NOS3: variants seen among roughly 807,000 people sequenced by gnomAD.
NOS3 encodes the protein nitric oxide synthase 3.
NOS3 carries 98 observed loss-of-function variants against 144.9 expected under a neutral mutation model. That is an observed-to-expected ratio of 0.68 (90% confidence interval 0.57 to 0.80). The LOEUF (loss-of-function observed/expected upper bound fraction) is 0.80. NOS3 is among the 30% of genes least tolerant of loss of function. The probability of loss-of-function intolerance (pLI) is 0.00; values close to 1 mark genes in which losing one functional copy is unlikely to be tolerated. For synonymous variants in NOS3, 714 were observed against 702.4 expected, an observed-to-expected ratio of 1.02 and a Z score of -0.26; for missense variants, 1,465 against 1,656.4, an observed-to-expected ratio of 0.88 and a Z score of 2.01.
intron 15 of NOS3, 97 bp from the exon 16 acceptor site, chr7:151,006,792 G>C: frequency 1.0e-6 from 1 of 989,918 alleles, no homozygotes; most frequent in Admixed American, 1.8e-5. Context: ...TCCTGTCCCA[G>C]AGGCAGAGAC....
chr7:150,997,754 C>A (rs1385494619), intron 5 of NOS3, among the ~76,000 whole-genome samples: 1 of 152,210 alleles, frequency 6.6e-6, no homozygotes, highest in Admixed American at 6.5e-5. Context: ...ATCTGAGCTG[C>A]CATAGTGGAC....
intron 17 of NOS3, among the ~76,000 whole-genome samples, chr7:151,008,447 C>A (rs558182681): frequency 1.3e-5 from 2 of 152,202 alleles, no homozygotes; most frequent in Non-Finnish European, 2.9e-5. Flanking sequence ...CTCTGCCGCC[C>A]GAATTGTGCG....
rs1802479179 is a variant in NOS3, at chr7:150,998,290, G to A, written c.583-67G>A. The A allele has an allele frequency of 6.9e-7, 1 of 1,441,250 alleles. No homozygotes were observed. The highest frequency in any genetic ancestry group is 1.4e-5 in the African/African-American group (1 of 71,828). The allele number at this position is 1,441,250 out of a possible 1,614,324, so 89.3% of individuals were successfully genotyped here. A position where few individuals can be genotyped will look rare whatever the true frequency, so the allele number is the denominator to read the frequency against. ...CTGCCTCCTCACCAGCAGCTCCTCT[G>A]GAGCTGATACTCAAGACCCCCCGTC... On this transcript the variant is annotated intron_variant, in intron 5 of 26. Coordinates refer to ENST00000297494, the MANE Select transcript of NOS3 (RefSeq NM_000603.5). This position sits in a 1 kb window ranked among gnomAD's most constrained non-coding sequence, Gnocchi z 5.0.
rs1223238088 is a variant in NOS3 at position 150,991,085 on chromosome 7, A to T, written c.-267A>T. 1 of 152,290 alleles carries T rather than the reference A, an allele frequency of 6.6e-6. No homozygotes were observed. Among genetic ancestry groups the T allele is most frequent in the African/African-American group, 2.4e-5 (1 of 41,460 alleles). The allele number at this position is 152,290 out of a possible 1,614,324, so 9.4% of individuals were successfully genotyped here. Reference sequence around the variant, plus strand: ...AAACTAGGGGCAAGGAGACGAAGAGAACATGAAAGTTAAACTTTAAGATGA... The same window carrying T: ...AAACTAGGGGCAAGGAGACGAAGAGTACATGAAAGTTAAACTTTAAGATGA... On this transcript the variant is annotated 5_prime_UTR_variant, in exon 1 of 27. Transcript: ENST00000297494.
Position 151,009,396 on chromosome 7 carries a change from A to G in NOS3, c.2325-2A>G. On this transcript the variant is annotated splice_acceptor_variant, in intron 19 of 26. Transcript: ENST00000297494. LOFTEE classifies it high-confidence loss of function. ...CATAAGTGCCCCTCTCCCCACCCCC[A>G]GGAGGGCCACCATCCTGGTGCGCCT... 1 of 1,107,804 alleles carries G rather than the reference A, an allele frequency of 9.0e-7. No individual in the cohort carries two copies. The highest frequency in any genetic ancestry group is 1.1e-6 in the Non-Finnish European group (1 of 891,372). 68.6% of individuals were successfully genotyped at this position (1,107,804 alleles called of 1,614,324 possible).
chr7:151,004,305 C>T (rs755042750), intron 14 of NOS3, among the ~76,000 whole-genome samples: 1 of 152,236 alleles, frequency 6.6e-6, no homozygotes, highest in African/African-American at 2.4e-5. Context: ...CACTGCACTC[C>T]AGCCTGGGTG....
Position 151,001,430 on chromosome 7 carries a change from CCA to C in NOS3, c.1428+7_1428+8del. 1 of 1,586,466 alleles carries C rather than the reference CCA, an allele frequency of 6.3e-7. No homozygotes were observed. The highest frequency in any genetic ancestry group is 8.6e-7 in the Non-Finnish European group (1 of 1,164,126). On this transcript the variant is annotated splice_donor_region_variant and intron_variant, in intron 11 of 26. Transcript: ENST00000297494. ...TCCCCGGCCTTCCGCTACCAGGTGC[CCA>C]CCCTAACTGGCTCTGCCAGCCTGGG...
rs752004008 is a variant in NOS3, at chr7:151,012,207, A to ACTC, written c.2985-144_2985-143insCTC. The ACTC allele has an allele frequency of 1.2e-3, 790 of 639,598 alleles. 15 individuals carry two copies. The highest frequency in any genetic ancestry group is 1.6e-3 in the Non-Finnish European group (642 of 389,654). The allele number at this position is 639,598 out of a possible 1,614,324, so 39.6% of individuals were successfully genotyped here. A position where few individuals can be genotyped will look rare whatever the true frequency, so the allele number is the denominator to read the frequency against. On this transcript the variant is annotated intron_variant, in intron 23 of 26. Transcript: ENST00000297494. ...AGATCCAAGGAGTTTCAGCAAGTAG[A>ACTC]GTTGTTTTTTGTTTTTTGTTTTTTT...
At position 151,007,125 on chromosome 7, in the gene NOS3, C is replaced by G. The variant is rs758278933; in HGVS notation, c.1961C>G (p.Ser654Cys). 6.2e-7 allele frequency: 1 copy of G among 1,614,044 alleles called. No individual in the cohort carries two copies. Among genetic ancestry groups the G allele is most frequent in the Non-Finnish European group, 8.5e-7 (1 of 1,179,992 alleles). The change falls in exon 17 of 27, where the codon TCC becomes TGC. Residue 654 changes from serine to cysteine, a missense_variant. Transcript: ENST00000297494. ...AGGTTCTGTGTGTTCGGGCTCGGCT[C>G]CCGGGCATACCCCCACTTCTGCGCC... ...TLRFCVFGLG[S>C]RAYPHFCAFA...
intron 4 of NOS3, 32 bp from the exon 5 acceptor site, chr7:150,996,731 G>T: frequency 6.2e-7 from 1 of 1,606,290 alleles, no homozygotes; most frequent in Non-Finnish European, 8.5e-7. Context: ...ACAACTTCCT[G>T]CTTGTCCCCT....
In NOS3 at chr7:151,001,899, G is replaced by A; in HGVS notation, c.1581G>A (p.Glu527=). ...AGGCGACAATCCTGTATGGCTCCGA[G>A]ACCGGCCGGGCCCAGAGCTACGCAC... The part of the protein sequence containing the change: ...RVKATILYGS[E]TGRAQSYAQQ... The change falls in exon 13 of 27, where the codon GAG becomes GAA. Residue 527 remains glutamate, a synonymous_variant. Transcript: ENST00000297494. 6.2e-7 allele frequency: 1 copy of A among 1,613,692 alleles called. No individual in the cohort carries two copies. The highest frequency in any genetic ancestry group is 1.7e-5 in the Admixed American group (1 of 60,028).
intron 17 of NOS3, 91 bp downstream of exon 17, chr7:151,007,367 C>T: frequency 4.3e-6 from 6 of 1,379,956 alleles, no homozygotes; most frequent in Non-Finnish European, 5.8e-6. Context: ...GTTCTTTGGT[C>T]CCTTCCTGTT....
Position 150,996,443 on chromosome 7 carries a change from G to T in NOS3, c.310G>T (p.Val104Leu), listed in dbSNP as rs370402227. The T allele has an allele frequency of 1.3e-6, 2 of 1,561,882 alleles. No homozygotes were observed. The highest frequency in any genetic ancestry group is 2.3e-5 in the South Asian group (2 of 85,558). The change falls in exon 4 of 27, where the codon GTA (valine) becomes TTA (leucine). Residue 104 changes from valine (V) to leucine (L), a missense_variant. By Grantham distance (32) the Val-to-Leu change is conservative. Coordinates refer to ENST00000297494, the MANE Select transcript of NOS3 (RefSeq NM_000603.5). ...CCCAAGACGCTGCCTGGGCTCCCTG[G>T]TATTTCCACGGAAACTACAGGGCCG... ...CTPRRCLGSL[V>L]FPRKLQGRPS...
chr7:151,002,120 C>T lies in NOS3; in HGVS notation c.1648-80C>T. The T allele has an allele frequency of 4.3e-6, 6 of 1,399,324 alleles. 1 individual carries two copies. Among genetic ancestry groups the T allele is most frequent in the South Asian group, 3.7e-5 (3 of 80,570 alleles). 86.7% of individuals were successfully genotyped at this position (1,399,324 alleles called of 1,614,324 possible). On this transcript the variant is annotated intron_variant, in intron 13 of 26. Coordinates refer to ENST00000297494, the MANE Select transcript of NOS3 (RefSeq NM_000603.5). This position sits in a 1 kb window ranked among gnomAD's most constrained non-coding sequence, Gnocchi z 4.1. The stretch of plus-strand genomic sequence containing the variant: ...AGATCAAGTTGGGGCCTGAATCTTG[C>T]ACTGCCAGGGAGGCCAGAGTGAGGA...
Position 151,003,746 on chromosome 7 carries a change from G to A in NOS3, c.1752+1442G>A, listed in dbSNP as rs1028952316. The A allele has an allele frequency of 1.3e-4, 61 of 476,840 alleles. No homozygotes were observed. The highest frequency in any genetic ancestry group is 7.8e-4 in the African/African-American group (39 of 50,040). The allele number at this position is 476,840 out of a possible 1,614,324, so 29.5% of individuals were successfully genotyped here. On this transcript the variant is annotated intron_variant, in intron 14 of 26. Transcript: ENST00000297494. The surrounding 1 kb of genome is among the most constrained non-coding windows in gnomAD (Gnocchi z 4.1). ...AGATGGAAGCACGCAGTGTTGCGGC[G>A]TCTCCTGCTGAGGCTGTTTTTGAGG...
rs150600360 is a variant in NOS3, at chr7:151,001,909, G to A, written c.1591G>A (p.Ala531Thr). The A allele has an allele frequency of 4.8e-5, 77 of 1,613,510 alleles. No homozygotes were observed. The highest frequency in any genetic ancestry group is 1.4e-5 in the Non-Finnish European group (16 of 1,180,032). Residue 531 changes from alanine to threonine, a missense_variant, in exon 13 of 27, where the codon GCC becomes ACC. Coordinates refer to ENST00000297494, the MANE Select transcript of NOS3 (RefSeq NM_000603.5). The stretch of plus-strand genomic sequence containing the variant: ...CCTGTATGGCTCCGAGACCGGCCGG[G>A]CCCAGAGCTACGCACAGCAGCTGGG... ...TILYGSETGR[A>T]QSYAQQLGRL...
At chr7:150,997,029 G>C in intron 5 of NOS3, 104 bp downstream of exon 5, 4 of 1,327,798 alleles carry the variant, frequency 3.0e-6, no homozygotes, top group Non-Finnish European at 4.1e-6. Flanking sequence ...CCCAAACTGT[G>C]GGGGAGATCC....
chr7:151,003,662 C>A lies in NOS3; in HGVS notation c.1752+1358C>A. 1.4e-6 allele frequency: 1 copy of A among 725,678 alleles called. No individual in the cohort carries two copies. The highest frequency in any genetic ancestry group is 2.2e-6 in the Non-Finnish European group (1 of 459,336). The allele number at this position is 725,678 out of a possible 1,614,324, so 45.0% of individuals were successfully genotyped here. ...TCACGTGAATCCCTTCCCAGTCTGT[C>A]TCCCTGCCAGAAGTGTCTGTCACCA... On this transcript the variant is annotated intron_variant, in intron 14 of 26. Coordinates refer to ENST00000297494, the MANE Select transcript of NOS3 (RefSeq NM_000603.5). The surrounding 1 kb of genome is among the most constrained non-coding windows in gnomAD (Gnocchi z 4.1).
In NOS3 at chr7:151,013,934, C is replaced by G. The variant is rs761102418; in HGVS notation, c.3450+16C>G. 12 of 1,597,878 alleles carry G rather than the reference C, an allele frequency of 7.5e-6. No homozygotes were observed. Among genetic ancestry groups the G allele is most frequent in the African/African-American group, 1.3e-5 (1 of 74,550 alleles). ...CGTGCTGCGGGTGCGGAGGGGCGGGCCGGGCCTGAGCGTGCGGGGTTCCTG... is the reference window on the plus strand; with the variant it reads ...CGTGCTGCGGGTGCGGAGGGGCGGGGCGGGCCTGAGCGTGCGGGGTTCCTG... On this transcript the variant is annotated intron_variant, in intron 26 of 26. Transcript: ENST00000297494.
Sources: gnomAD v4.1 joint callset for allele counts (sites outside exome capture counted in the v4.1 genomes callset) on GRCh38, gnomAD v4.1.1 for gene constraint, Gnocchi (gnomAD v3.1) non-coding constraint, MANE v1.5 for transcripts, NCBI Gene and HGNC (gene_info 2026-07-23, HGNC 2026-07-21) for gene names.